Variants in TTC23L observed in about 807,000 individuals in gnomAD.
The protein encoded by TTC23L is tetratricopeptide repeat protein 23-like.
Under a neutral mutation model 48.1 loss-of-function variants are expected in TTC23L, and 42 were observed. That is an observed-to-expected ratio of 0.87 (90% CI 0.68 to 1.13). The LOEUF (loss-of-function observed/expected upper bound fraction) is 1.13, where lower values mean the gene tolerates loss of function less well. Ranked by LOEUF, TTC23L falls within the 50% of genes most tolerant of loss-of-function variation. TTC23L has a pLI of 0.00. For missense variants in TTC23L, 391 were observed against 421.0 expected, an observed-to-expected ratio of 0.93 and a Z score of 0.62; for synonymous variants, 159 against 157.2, an observed-to-expected ratio of 1.01 and a Z score of -0.09.
rs752667177 is a variant in TTC23L at position 34,868,966 on chromosome 5, C to A, written c.902C>A (p.Ala301Glu). Reference sequence around the variant, plus strand: ...AGCCCCAAAACTGCAGAAATGAGTGCGTTACTGGCCAAAGCTTATGCCATG... The same window carrying A: ...AGCCCCAAAACTGCAGAAATGAGTGAGTTACTGGCCAAAGCTTATGCCATG... The change falls in exon 8 of 11, where the codon GCG becomes GAG. Residue 301 changes from alanine to glutamate, a missense_variant. Ala to Glu is a moderately radical substitution (Grantham distance 107). Transcript: ENST00000505624. The A allele has an allele frequency of 6.8e-6, 11 of 1,611,092 alleles. No individual in the cohort carries two copies. Among genetic ancestry groups the A allele is most frequent in the Non-Finnish European group, 9.3e-6 (11 of 1,178,676 alleles).
intron 4 of TTC23L, among the ~76,000 whole-genome samples, chr5:34,858,457 G>T (rs1580438509): frequency 1.3e-5 from 2 of 152,098 alleles, no homozygotes; most frequent in South Asian, 2.1e-4. Context: ...AAGCCTTGTG[G>T]TTTTTTTAAA....
chr5:34,874,699 C>T (rs1001794025), intron 8 of TTC23L, among the ~76,000 whole-genome samples: 3 of 149,342 alleles, frequency 2.0e-5, no homozygotes, highest in African/African-American at 4.9e-5. Context: ...CTCCAGCCTA[C>T]GAGACAGAAT....
At chr5:34,918,628 A>C in the TTC23L span, 5 of 475,562 alleles carry the variant, frequency 1.1e-5, no homozygotes, top group African/African-American at 2.0e-5. Flanking sequence ...TTTTCCAGTT[A>C]ACATTTCGTA....
the TTC23L span, chr5:34,921,101 A>T: frequency 6.6e-6 from 1 of 152,242 alleles, no homozygotes; most frequent in Non-Finnish European, 1.5e-5. Context: ...TCGGCCTCCC[A>T]AAGTGCTGGG....
At chr5:34,877,711 A>C (rs1761955887) in intron 8 of TTC23L, among the ~76,000 whole-genome samples, 1 of 152,164 alleles carries the variant, frequency 6.6e-6, no homozygotes, top group Non-Finnish European at 1.5e-5. Flanking sequence ...GGTGTGATCC[A>C]CTGTGCCCAG....
At chr5:34,846,576 A>AAATATATATAT in intron 3 of TTC23L, among the ~76,000 whole-genome samples, 1 of 98,314 alleles carries the variant, frequency 1.0e-5, no homozygotes, top group African/African-American at 6.2e-5. Context: ...AAAAAAAAAA[A>AAATATATATAT]ATATATATAT....
At chr5:34,891,306 G>A (rs1762853727) in intron 9 of TTC23L, among the ~76,000 whole-genome samples, 1 of 152,150 alleles carries the variant, frequency 6.6e-6, no homozygotes, top group African/African-American at 2.4e-5. Context: ...CACAAAGTAT[G>A]TGACCTTGGG....
intron 1 of TTC23L, among the ~76,000 whole-genome samples, chr5:34,839,968 C>T (rs113356200): frequency 0.015 from 2,269 of 152,258 alleles, 53 homozygotes; most frequent in African/African-American, 0.052. Context: ...AGTGCAGTGG[C>T]GCGATCTCCG....
At chr5:34,922,743 C>T in the TTC23L span, 1 of 1,614,032 alleles carries the variant, frequency 6.2e-7, no homozygotes, top group Non-Finnish European at 8.5e-7. Flanking sequence ...TTGAAAGGTT[C>T]TCGGCCCCTT....
At chr5:34,899,101 GT>G (rs1302409298) in intron 10 of TTC23L, among the ~76,000 whole-genome samples, 1 of 152,166 alleles carries the variant, frequency 6.6e-6, no homozygotes, top group Non-Finnish European at 1.5e-5. Flanking sequence ...AACAATCCAG[GT>G]GGCTCAAATA....
At chr5:34,876,770 A>G (rs2111599950) in intron 8 of TTC23L, among the ~76,000 whole-genome samples, 1 of 152,204 alleles carries the variant, frequency 6.6e-6, no homozygotes, top group East Asian at 1.9e-4. Context: ...AAGATATTAA[A>G]AGAAAACTAT....
intron 4 of TTC23L, among the ~76,000 whole-genome samples, chr5:34,860,031 T>C (rs1400752540): frequency 6.6e-6 from 1 of 151,898 alleles, no homozygotes; most frequent in African/African-American, 2.4e-5. Context: ...TTTTTTTTAG[T>C]AGAGACAGGG....
the TTC23L span, among the ~76,000 whole-genome samples, chr5:34,917,174 G>T: frequency 3.3e-5 from 5 of 152,128 alleles, no homozygotes; most frequent in Non-Finnish European, 7.4e-5. Context: ...TTGAAGTAGG[G>T]AAATGCTGAA....
intron 4 of TTC23L, among the ~76,000 whole-genome samples, chr5:34,855,334 A>G (rs1760038556): frequency 6.6e-6 from 1 of 152,214 alleles, no homozygotes; most frequent in Non-Finnish European, 1.5e-5. Context: ...AATTTATTTG[A>G]TAGGCAAAGA....
At chr5:34,924,878 T>C in the TTC23L span, 3 of 1,605,956 alleles carry the variant, frequency 1.9e-6, no homozygotes, top group Non-Finnish European at 2.6e-6. Flanking sequence ...CTTGTAGAAA[T>C]AGGACCTCGT....
At chr5:34,913,468 A>G in the TTC23L span, 6 of 1,523,290 alleles carry the variant, frequency 3.9e-6, no homozygotes, top group Non-Finnish European at 5.4e-6. Context: ...ATCATAGTTT[A>G]CCTGGCATAG....
At chr5:34,886,620 A>G (rs972061269) in intron 9 of TTC23L, among the ~76,000 whole-genome samples, 24 of 152,292 alleles carry the variant, frequency 1.6e-4, no homozygotes, top group African/African-American at 4.8e-4. Flanking sequence ...ATGTATGTAC[A>G]TATGTATGCA....
At chr5:34,920,482 A>T in the TTC23L span, 1 of 152,318 alleles carries the variant, frequency 6.6e-6, no homozygotes, top group South Asian at 2.1e-4. Context: ...AAATTTTTGA[A>T]CCTCTGCTGT....
chr5:34,871,260 C>T (rs949949197), intron 8 of TTC23L, among the ~76,000 whole-genome samples: 1 of 151,954 alleles, frequency 6.6e-6, no homozygotes, highest in African/African-American at 2.4e-5. Context: ...AATTGTAGTT[C>T]TATATAGTAG....
Sources: allele counts gnomAD v4.1 joint callset (sites outside exome capture counted in the v4.1 genomes callset), GRCh38; gene constraint gnomAD v4.1.1; transcripts MANE v1.5; gene names NCBI Gene and HGNC (gene_info 2026-07-23, HGNC 2026-07-21).